FARSB: variants seen among roughly 807,000 people sequenced by gnomAD.
FARSB encodes the protein phenylalanyl-tRNA synthetase subunit beta, also known as phenylalanine--tRNA ligase beta subunit.
A neutral mutation model predicts 69.6 loss-of-function variants in FARSB; 40 were observed. The observed-to-expected ratio is 0.57, with a 90% CI of 0.45 to 0.75. The LOEUF (loss-of-function observed/expected upper bound fraction) is 0.75, where lower values mean the gene tolerates loss of function less well. Among genes scored for constraint, FARSB ranks in the 30% least tolerant of loss-of-function variants. FARSB has a pLI of 0.00. For synonymous variants in FARSB, 235 were observed against 247.2 expected, an observed-to-expected ratio of 0.95 and a Z score of 0.46; for missense variants, 632 against 722.9, an observed-to-expected ratio of 0.87 and a Z score of 1.44.
chr2:222,649,631 G>A (rs181758647), intron 1 of FARSB, among the ~76,000 whole-genome samples: 1 of 152,282 alleles, frequency 6.6e-6, no homozygotes, highest in East Asian at 1.9e-4. Flanking sequence ...CTATAAAATG[G>A]TATTTCACAG....
chr2:222,580,064 CTAAGG>C (rs1271899084), intron 16 of FARSB, among the ~76,000 whole-genome samples: 3 of 151,976 alleles, frequency 2.0e-5, no homozygotes, highest in Non-Finnish European at 4.4e-5. Flanking sequence ...AGCATGCATC[CTAAGG>C]TTTTACAAAC....
intron 16 of FARSB, among the ~76,000 whole-genome samples, chr2:222,580,798 A>T (rs970201625): frequency 6.6e-6 from 1 of 152,148 alleles, no homozygotes; most frequent in East Asian, 1.9e-4. Context: ...GACTTTAGGG[A>T]TTATGAGAGT....
At chr2:222,576,613 C>G (rs1159544504) in intron 16 of FARSB, among the ~76,000 whole-genome samples, 1 of 152,062 alleles carries the variant, frequency 6.6e-6, no homozygotes. Context: ...GAGGAATAAT[C>G]ATTTCACAGG....
chr2:222,622,186 C>T (rs749759997), intron 13 of FARSB, among the ~76,000 whole-genome samples: 6 of 152,222 alleles, frequency 3.9e-5, no homozygotes, highest in Admixed American at 1.3e-4. Flanking sequence ...ACAGGGTAAA[C>T]ATTCCCTGCA....
In FARSB at chr2:222,570,800, G is replaced by A. The variant is rs908029688; in HGVS notation, c.*1071C>T. 6.6e-6 allele frequency: 1 copy of A among 152,150 alleles called. No individual in the cohort carries two copies. Among genetic ancestry groups the A allele is most frequent in the Non-Finnish European group, 1.5e-5 (1 of 68,036 alleles). 9.4% of individuals were successfully genotyped at this position (152,150 alleles called of 1,614,324 possible). ...AGCCTCCCAAAGTGCTAGGATTACA[G>A]GCATGAGCCACAGCGCACCCAGCCT... On this transcript the variant is annotated 3_prime_UTR_variant, in exon 17 of 17. Transcript: ENST00000281828.
chr2:222,636,863 T>C (rs1240711657), intron 5 of FARSB, among the ~76,000 whole-genome samples: 1 of 152,120 alleles, frequency 6.6e-6, no homozygotes, highest in Non-Finnish European at 1.5e-5. Context: ...GCAATGGACA[T>C]GAGAAGAAAT....
chr2:222,651,876 G>A (rs1206205400), intron 1 of FARSB, among the ~76,000 whole-genome samples: 1 of 152,196 alleles, frequency 6.6e-6, no homozygotes, highest in Non-Finnish European at 1.5e-5. Flanking sequence ...GCTTTCTAGG[G>A]ATCACTCAGA....
At chr2:222,600,117 A>G in intron 15 of FARSB, 34 bp from the exon 16 acceptor site, 2 of 1,549,296 alleles carry the variant, frequency 1.3e-6, no homozygotes, top group Non-Finnish European at 1.7e-6. Flanking sequence ...ACAACGCTGT[A>G]TTAACCATTG....
intron 5 of FARSB, among the ~76,000 whole-genome samples, chr2:222,637,993 A>C (rs1475382264): frequency 6.6e-6 from 1 of 152,128 alleles, no homozygotes; most frequent in Admixed American, 6.5e-5. Flanking sequence ...AAACAAACAA[A>C]CAAACAAAAA....
At chr2:222,607,973 A>C (rs536726694) in intron 15 of FARSB, among the ~76,000 whole-genome samples, 5 of 152,204 alleles carry the variant, frequency 3.3e-5, no homozygotes, top group Admixed American at 6.5e-5. Context: ...TAAAAAAAAA[A>C]CACAATATTC....
At chr2:222,582,072 G>T (rs917986899) in intron 16 of FARSB, among the ~76,000 whole-genome samples, 3 of 152,174 alleles carry the variant, frequency 2.0e-5, no homozygotes, top group African/African-American at 7.2e-5. Flanking sequence ...ATACTTCTAG[G>T]AATCTGTCCC....
chr2:222,652,619 A>C lies in FARSB; in HGVS notation c.58+3397T>G, dbSNP rs148290327. ...GAGGAACTAAAGCCTATGGCCAAAAATCAGCAAGGAACTGAGGTTTGCCAA... is the reference window on the plus strand; with the variant it reads ...GAGGAACTAAAGCCTATGGCCAAAACTCAGCAAGGAACTGAGGTTTGCCAA... On this transcript the variant is annotated intron_variant, in intron 1 of 16. Coordinates refer to ENST00000281828, the MANE Select transcript of FARSB (RefSeq NM_005687.5). Among the ~76,000 whole-genome samples, 1,482 of 152,316 alleles carry C rather than the reference A, an allele frequency of 9.7e-3. 20 individuals are homozygous for C. The highest frequency in any genetic ancestry group is 0.034 in the African/African-American group (1,427 of 41,566).
intron 1 of FARSB, among the ~76,000 whole-genome samples, 155 bp downstream of exon 1, chr2:222,655,861 C>T (rs1692160873): frequency 6.6e-6 from 1 of 152,256 alleles, no homozygotes; most frequent in Non-Finnish European, 1.5e-5. Context: ...CACAGCCCAG[C>T]CGGACCGCCA....
At chr2:222,626,243 CAAA>C (rs36117232) in intron 10 of FARSB, among the ~76,000 whole-genome samples, 2 of 56,972 alleles carry the variant, frequency 3.5e-5, no homozygotes, top group Non-Finnish European at 6.7e-5. Context: ...GACTCCATCT[CAAA>C]AAAAAAAAAA....
At chr2:222,627,624 G>A (rs1288597727) in intron 10 of FARSB, among the ~76,000 whole-genome samples, 1 of 152,166 alleles carries the variant, frequency 6.6e-6, no homozygotes, top group East Asian at 1.9e-4. Flanking sequence ...AAAGCTAACT[G>A]ACAATAGATA....
At position 222,568,499 on chromosome 2, in the gene FARSB, C is replaced by T. The variant is rs1689666583; in HGVS notation, c.*3372G>A. On this transcript the variant is annotated 3_prime_UTR_variant, in exon 17 of 17. Transcript: ENST00000281828. This position sits in a 1 kb window ranked among gnomAD's most constrained non-coding sequence, Gnocchi z 4.3. ...ATCAGGGAGAATTCCTACTCTCATA[C>T]CGTTATTAAACCAAAAAAATTAAAA... 6.6e-6 allele frequency: 1 copy of T among 152,024 alleles called. No individual in the cohort carries two copies. Among genetic ancestry groups the T allele is most frequent in the African/African-American group, 2.4e-5 (1 of 41,386 alleles). 9.4% of individuals were successfully genotyped at this position (152,024 alleles called of 1,614,324 possible). A position where few individuals can be genotyped will look rare whatever the true frequency, so the allele number is the denominator to read the frequency against.
At chr2:222,582,997 T>C (rs1013841331) in intron 16 of FARSB, among the ~76,000 whole-genome samples, 1 of 148,838 alleles carries the variant, frequency 6.7e-6, no homozygotes, top group African/African-American at 2.5e-5. Flanking sequence ...GAAAAAGAGA[T>C]AAACTAACAC....
rs144693935 is a variant in FARSB at position 222,640,113 on chromosome 2, TA to T, written c.340-419del. ...GCTTTGTTCTTTTTCATTCCTAGGT[TA>T]AAAAAAAATGTTTTTTTAAGGGCTA... On this transcript the variant is annotated intron_variant, in intron 4 of 16. Coordinates refer to ENST00000281828, the MANE Select transcript of FARSB (RefSeq NM_005687.5). Among the ~76,000 whole-genome samples, 1,435 of 151,474 alleles carry T rather than the reference TA, an allele frequency of 9.5e-3. 25 individuals carry two copies. The highest frequency in any genetic ancestry group is 0.032 in the African/African-American group (1,329 of 41,358).
At chr2:222,596,179 C>T (rs1437889600) in intron 16 of FARSB, among the ~76,000 whole-genome samples, 1 of 152,116 alleles carries the variant, frequency 6.6e-6, no homozygotes, top group African/African-American at 2.4e-5. Context: ...CAACTACGGG[C>T]TTTCTGGGTG....
Sources: gnomAD v4.1 joint callset for allele counts (sites outside exome capture counted in the v4.1 genomes callset) on GRCh38, gnomAD v4.1.1 for gene constraint, Gnocchi (gnomAD v3.1) non-coding constraint, MANE v1.5 for transcripts, NCBI Gene and HGNC (gene_info 2026-07-23, HGNC 2026-07-21) for gene names.